TENT5D: variants seen among roughly 807,000 people sequenced by gnomAD.
TENT5D encodes the protein cancer/testis antigen 112.
For synonymous variants in TENT5D, 103 were observed against 100.6 expected (o/e 1.02, Z -0.15); for missense variants, 191 against 287.0 (o/e 0.67, Z 2.42).
At chrX:80,364,090 T>G (rs1930460426) in intron 3 of TENT5D, among the ~76,000 whole-genome samples, 1 of 112,197 alleles carries the variant, frequency 8.9e-6, no homozygotes, top group Admixed American at 9.5e-5. Context: ...TTTGACCATT[T>G]TCATAACTTT....
At chrX:80,364,873 G>A (rs1313331366) in intron 3 of TENT5D, among the ~76,000 whole-genome samples, 2 of 100,814 alleles carry the variant, frequency 2.0e-5, no homozygotes, top group African/African-American at 7.2e-5. Flanking sequence ...TAAATATATA[G>A]TGATATTTTA....
upstream of TENT5D, among the ~76,000 whole-genome samples, chrX:80,418,107 A>G (rs777917265): frequency 5.4e-5 from 6 of 111,007 alleles, no homozygotes; most frequent in African/African-American, 9.8e-5. Flanking sequence ...AAATGCCACA[A>G]TTCACTCAGT....
chrX:80,443,685 T>C (rs776851281), exon 3 of TENT5D: 6 of 1,187,140 alleles, frequency 5.1e-6, no homozygotes, highest in East Asian at 6.0e-5. Context: ...CACTGCACTT[T>C]CGTGGATCAA....
At chrX:80,430,196 A>G (rs1465491976) in intron 1 of TENT5D, among the ~76,000 whole-genome samples, 1 of 111,537 alleles carries the variant, frequency 9.0e-6, no homozygotes, top group Non-Finnish European at 1.9e-5. Flanking sequence ...GAAAGCCTTT[A>G]TATATTTATT....
rs1362823633 is a variant in TENT5D, at chrX:80,385,183, T to C, written c.-142+42619T>C. ...CTGACTTCAAACTATACTACAAGGC[T>C]ACAGTAACCAAAACAGTATGGTACT... On this transcript the variant is annotated intron_variant, in intron 3 of 4. Coordinates refer to the TENT5D transcript ENST00000538312. Among the ~76,000 whole-genome samples, 5 of 111,660 alleles carry C rather than the reference T, an allele frequency of 4.5e-5. No homozygotes were observed. In the East Asian group the frequency reaches 1.4e-3, roughly 32 times the overall value.
At chrX:80,435,569 C>G (rs1447595163) in intron 1 of TENT5D, among the ~76,000 whole-genome samples, 2 of 112,273 alleles carry the variant, frequency 1.8e-5, no homozygotes, top group African/African-American at 6.5e-5. Flanking sequence ...GACAGACTAA[C>G]ACATTATTGA....
chrX:80,339,128 T>C (rs1929908423), intron 2 of TENT5D, among the ~76,000 whole-genome samples: 1 of 110,618 alleles, frequency 9.0e-6, no homozygotes, highest in Non-Finnish European at 1.9e-5. Context: ...TCAGAGAGAT[T>C]ATTTGGTTTG....
intron 3 of TENT5D, among the ~76,000 whole-genome samples, chrX:80,403,024 T>C (rs942333899): frequency 2.7e-5 from 3 of 111,993 alleles, no homozygotes; most frequent in African/African-American, 9.8e-5. Flanking sequence ...TCTCTCCCTA[T>C]GGTGTAAAAT....
chrX:80,424,706 G>A (rs756988068), intron 1 of TENT5D, among the ~76,000 whole-genome samples: 5 of 112,587 alleles, frequency 4.4e-5, no homozygotes, highest in African/African-American at 1.6e-4. Context: ...ATTATGATAA[G>A]ATTGTGTTGT....
chrX:80,403,304 A>C (rs1931424749), intron 3 of TENT5D, among the ~76,000 whole-genome samples: 1 of 112,261 alleles, frequency 8.9e-6, no homozygotes, highest in African/African-American at 3.2e-5. Flanking sequence ...TTACACAAAA[A>C]TTAGCCCAGT....
chrX:80,443,665 C>T (rs1932333049), exon 3 of TENT5D: 2 of 1,199,150 alleles, frequency 1.7e-6, no homozygotes, highest in Non-Finnish European at 2.3e-6. Flanking sequence ...TAGCTTCCAG[C>T]CATACCACCC....
intron 3 of TENT5D, among the ~76,000 whole-genome samples, chrX:80,360,641 ATGAT>A (rs2147521537): frequency 8.9e-6 from 1 of 111,932 alleles, no homozygotes; most frequent in South Asian, 3.7e-4. Context: ...TTGGCTACAC[ATGAT>A]ATGAGAGAAT....
At chrX:80,351,276 A>G (rs760169178) in intron 3 of TENT5D, among the ~76,000 whole-genome samples, 142 of 108,926 alleles carry the variant, frequency 1.3e-3, no homozygotes, top group African/African-American at 4.7e-3. Flanking sequence ...ACTTTCAGGG[A>G]CCCCAATCAA....
At chrX:80,437,196 A>G (rs906744427) in intron 1 of TENT5D, among the ~76,000 whole-genome samples, 2 of 112,337 alleles carry the variant, frequency 1.8e-5, no homozygotes, top group African/African-American at 3.2e-5. Context: ...TTATTTTTGA[A>G]GAGCAAAATG....
chrX:80,398,836 G>A (rs1931337685), intron 3 of TENT5D, among the ~76,000 whole-genome samples: 1 of 109,942 alleles, frequency 9.1e-6, no homozygotes, highest in Admixed American at 9.7e-5. Context: ...TACATTTTGG[G>A]GTCAGAAACA....
chrX:80,393,561 G>T (rs1475822592), intron 3 of TENT5D, among the ~76,000 whole-genome samples: 3 of 111,296 alleles, frequency 2.7e-5, no homozygotes, highest in African/African-American at 9.8e-5. Flanking sequence ...TTTGTGATGA[G>T]GAATTTTCAA....
intron 1 of TENT5D, among the ~76,000 whole-genome samples, chrX:80,427,632 A>C (rs924122864): frequency 8.9e-6 from 1 of 111,992 alleles, no homozygotes; most frequent in African/African-American, 3.2e-5. Context: ...GTATAACTAC[A>C]CAGACAGGCA....
Position 80,343,455 on chromosome X carries a change from T to A in TENT5D, c.-142+891T>A, listed in dbSNP as rs1467113097. ...TCTTGTCGCCCTGGCTGGAGTGCAA[T>A]GGCACGATCTCGGCTCACCGCAACC... On this transcript the variant is annotated intron_variant, in intron 3 of 4. Transcript: ENST00000538312. 2.9e-5 allele frequency among the ~76,000 whole-genome samples: 3 copies of A among 104,028 alleles called. No homozygotes were observed. The Admixed American group carries it at 3.2e-4, about 11-fold the overall frequency. 90.3% of individuals were successfully genotyped at this position (104,028 alleles called of 115,157 possible).
At chrX:80,391,391 T>C (rs1468708982) in intron 3 of TENT5D, among the ~76,000 whole-genome samples, 1 of 112,275 alleles carries the variant, frequency 8.9e-6, no homozygotes, top group Non-Finnish European at 1.9e-5. Context: ...TAAATGATCT[T>C]ACATTATATA....
Sources: gnomAD v4.1 joint callset for allele counts (sites outside exome capture counted in the v4.1 genomes callset) on GRCh38, gnomAD v4.1.1 for gene constraint, MANE v1.5 for transcripts, NCBI Gene and HGNC (gene_info 2026-07-23, HGNC 2026-07-21) for gene names.